Variants in LY75 observed in about 807,000 individuals in gnomAD.
The protein encoded by LY75 is lymphocyte antigen 75, also known as C-type lectin domain family 13 member B.
LY75 carries 185 observed loss-of-function variants against 231.7 expected under a neutral mutation model. The observed-to-expected ratio is 0.80, with a 90% confidence interval of 0.71 to 0.90. LY75 has a LOEUF of 0.90. Among genes scored for constraint, LY75 ranks in the 40% least tolerant of loss-of-function variants. The pLI is 0.00. For synonymous variants in LY75, 668 were observed against 689.0 expected (o/e 0.97, Z 0.48); for missense variants, 1,947 against 2,050.2 (o/e 0.95, Z 0.97).
At chr2:159,812,100 A>G (rs1424374873) in intron 31 of LY75, 1 of 151,980 alleles carries the variant, frequency 6.6e-6, no homozygotes, top group East Asian at 1.9e-4. Context: ...TTATGGCATC[A>G]TTAGGATAGG....
At chr2:159,886,597 T>C (rs1685593714) in intron 4 of LY75, 67 bp from the exon 5 acceptor site, 3 of 1,465,528 alleles carry the variant, frequency 2.0e-6, no homozygotes, top group East Asian at 2.4e-5. Context: ...ATTAGACTTA[T>C]TCTACTAATA....
intron 1 of LY75, chr2:159,903,629 A>C (rs577888365): frequency 1.3e-5 from 2 of 152,224 alleles, no homozygotes; most frequent in Non-Finnish European, 2.9e-5. Flanking sequence ...AAGAGCCACC[A>C]ACAATTTAAT....
chr2:159,893,086 C>A (rs1379366895), intron 3 of LY75, among the ~76,000 whole-genome samples: 1 of 152,134 alleles, frequency 6.6e-6, no homozygotes, highest in African/African-American at 2.4e-5. Flanking sequence ...ATGGAGTCAC[C>A]CATGCCAAAG....
intron 13 of LY75, 31 bp from the exon 14 acceptor site, chr2:159,864,951 G>T: frequency 6.4e-7 from 1 of 1,570,276 alleles, no homozygotes; most frequent in Admixed American, 1.9e-5. Flanking sequence ...AAAAATACAG[G>T]ACAATGCTTG....
chr2:159,897,549 A>C lies in LY75; in HGVS notation c.466+1139T>G, dbSNP rs143127111. On this transcript the variant is annotated intron_variant, in intron 2 of 34. Coordinates refer to ENST00000263636, the MANE Select transcript of LY75 (RefSeq NM_002349.4). ...TTCTCAGAATAATTCTTGCATCCTCACTAGGAAATAGAAAGCTAGAAAGAA... is the reference window on the plus strand; with the variant it reads ...TTCTCAGAATAATTCTTGCATCCTCCCTAGGAAATAGAAAGCTAGAAAGAA... Among the ~76,000 whole-genome samples the C allele has an allele frequency of 1.9e-3, 293 of 152,300 alleles. 1 individual carries two copies. The highest frequency in any genetic ancestry group is 6.7e-3 in the African/African-American group (279 of 41,558).
chr2:159,853,694 A>T lies in LY75; in HGVS notation c.2599T>A (p.Ser867Thr). ...ATCCACCACTTCTGTCCATCACCAG[A>T]TATCTGAAAAACAAGCCAAACATCC... ...KAIKNKIANI[S>T]GDGQKWWIRI... is the part of the protein sequence containing the mutation. Residue 867 changes from serine (S) to threonine (T), a missense_variant, in exon 19 of 35, where the codon TCT becomes ACT. Transcript: ENST00000263636. 1 of 1,613,458 alleles carries T rather than the reference A, an allele frequency of 6.2e-7. No homozygotes were observed. The highest frequency in any genetic ancestry group is 1.3e-5 in the African/African-American group (1 of 75,022).
intron 4 of LY75, among the ~76,000 whole-genome samples, chr2:159,887,581 A>AG (rs200732068): frequency 0.046 from 6,894 of 149,664 alleles, 347 homozygotes; most frequent in African/African-American, 0.14. Flanking sequence ...AAAAAAAAAA[A>AG]AAAGAAAAAA....
chr2:159,893,900 C>T lies in LY75; in HGVS notation c.637+14G>A. 1 of 1,587,246 alleles carries T rather than the reference C, an allele frequency of 6.3e-7. No individual in the cohort carries two copies. ...TACTACCTTTCCACATAAAATTTAC[C>T]AGCCCATACATACCAGGCTTTAAGC... On this transcript the variant is annotated intron_variant, in intron 3 of 34. Coordinates refer to ENST00000263636, the MANE Select transcript of LY75 (RefSeq NM_002349.4).
Position 159,890,187 on chromosome 2 carries a change from C to T in LY75, c.802+26G>A, listed in dbSNP as rs202180910. The T allele has an allele frequency of 8.8e-6, 14 of 1,595,282 alleles. No individual in the cohort carries two copies. The African/African-American group carries it at 1.1e-4, about 12-fold the overall frequency. On this transcript the variant is annotated intron_variant, in intron 4 of 34. Coordinates refer to ENST00000263636, the MANE Select transcript of LY75 (RefSeq NM_002349.4). The stretch of plus-strand genomic sequence containing the variant: ...TACCTTTACAATTTTAGCCAATTTG[C>T]TCTATCACATGCAAATAAAATCTAC...
At chr2:159,892,336 T>C (rs1014565482) in intron 3 of LY75, among the ~76,000 whole-genome samples, 1 of 152,202 alleles carries the variant, frequency 6.6e-6, no homozygotes, top group Admixed American at 6.5e-5. Context: ...AGTGTAGCTG[T>C]TTGGGACAAG....
rs115745675 is a variant in LY75, at chr2:159,850,136, A to G, written c.2994T>C (p.Phe998=). 24 of 1,603,936 alleles carry G rather than the reference A, an allele frequency of 1.5e-5. No homozygotes were observed. In the African/African-American group the frequency reaches 3.2e-4, roughly 22 times the overall value. ...CCATATCCGGAAGCAAGGATGTAAT[A>G]AAGTCTGTTAGAAAGAGATTTTTAA... ...PSVLSQIEQD[F]ITSLLPDMEA... Residue 998 remains phenylalanine, a synonymous_variant, in exon 23 of 35, where the codon TTT becomes TTC. Transcript: ENST00000263636.
chr2:159,819,934 A>AC lies in LY75; in HGVS notation c.3959-15_3959-14insG, dbSNP rs1553799776. 1 of 1,571,844 alleles carries AC rather than the reference A, an allele frequency of 6.4e-7. No homozygotes were observed. The highest frequency in any genetic ancestry group is 2.3e-5 in the East Asian group (1 of 44,250). The stretch of plus-strand genomic sequence containing the variant: ...TAAGAGACTTATCTAGAGAAGAAAC[A>AC]TTTTTTCCTATGCTTAGAGATTAAA... On this transcript the variant is annotated splice_polypyrimidine_tract_variant and intron_variant, in intron 28 of 34. Coordinates refer to ENST00000263636, the MANE Select transcript of LY75 (RefSeq NM_002349.4).
In LY75 at chr2:159,882,166, G is replaced by A. The variant is rs16822581; in HGVS notation, c.1204C>T (p.Leu402=). Reference sequence around the variant, plus strand: ...GTGACAACCACCTCCACATCTGCTAGAGAATGAATGCTGATTAGGTCACTA... The same window carrying A: ...GTGACAACCACCTCCACATCTGCTAAAGAATGAATGCTGATTAGGTCACTA... ...FSSDLISIHS[L]ADVEVVVTKL... The change falls in exon 7 of 35, where the codon CTA becomes TTA. Residue 402 remains leucine (L), a synonymous_variant. Transcript: ENST00000263636. 0.18 allele frequency: 288,965 copies of A among 1,613,362 alleles called. 28,294 individuals carry two copies. The highest frequency in any genetic ancestry group is 0.38 in the Admixed American group (22,613 of 59,854).
intron 30 of LY75, 92 bp downstream of exon 30, chr2:159,816,714 A>G (rs573454334): frequency 6.5e-7 from 1 of 1,539,078 alleles, no homozygotes; most frequent in Admixed American, 1.9e-5. Context: ...ACTTCATCTA[A>G]TGTTGTACTT....
Position 159,806,996 on chromosome 2 carries a change from C to T in LY75, c.4967G>A (p.Arg1656Lys). 1.9e-6 allele frequency: 3 copies of T among 1,613,648 alleles called. No homozygotes were observed. Among genetic ancestry groups the T allele is most frequent in the Non-Finnish European group, 1.7e-6 (2 of 1,179,740 alleles). ...KKVECEHGFG[R>K]VVCKVPLGPD... Reference sequence around the variant, plus strand: ...ACCCAGAGGCACTTTGCAGACAACTCTTCCAAAACCATGTTCACATTCAAC... The same window carrying T: ...ACCCAGAGGCACTTTGCAGACAACTTTTCCAAAACCATGTTCACATTCAAC... Residue 1656 changes from arginine (R) to lysine (K), a missense_variant, in exon 34 of 35, where the codon AGA becomes AAA. Coordinates refer to ENST00000263636, the MANE Select transcript of LY75 (RefSeq NM_002349.4).
At chr2:159,852,718 C>T (rs920127230) in intron 20 of LY75, among the ~76,000 whole-genome samples, 1 of 152,156 alleles carries the variant, frequency 6.6e-6, no homozygotes, top group Non-Finnish European at 1.5e-5. Context: ...CGTGCCCGGC[C>T]AAGTCAGCAC....
intron 2 of LY75, among the ~76,000 whole-genome samples, chr2:159,894,509 T>C (rs899241233): frequency 2.6e-5 from 4 of 152,242 alleles, no homozygotes; most frequent in Non-Finnish European, 4.4e-5. Flanking sequence ...TTAGAAAGTG[T>C]TGGAGCCAGA....
chr2:159,870,978 GT>G (rs1421841149), intron 13 of LY75, among the ~76,000 whole-genome samples: 1 of 151,712 alleles, frequency 6.6e-6, no homozygotes, highest in Non-Finnish European at 1.5e-5. Context: ...TTATAGTATT[GT>G]TTTTATCTTA....
chr2:159,805,379 C>T (rs1682762934), intron 34 of LY75, among the ~76,000 whole-genome samples, 157 bp from the exon 35 acceptor site: 1 of 152,194 alleles, frequency 6.6e-6, no homozygotes, highest in Admixed American at 6.5e-5. Flanking sequence ...AATTCAAACT[C>T]ATCGTCAGAT....
Sources: gnomAD v4.1 joint callset for allele counts (sites outside exome capture counted in the v4.1 genomes callset) on GRCh38, gnomAD v4.1.1 for gene constraint, MANE v1.5 for transcripts, NCBI Gene and HGNC (gene_info 2026-07-23, HGNC 2026-07-21) for gene names.